Variants in TMEM82 observed in about 807,000 individuals in gnomAD.
The protein encoded by TMEM82 is transmembrane protein 82.
In TMEM82, 30 loss-of-function variants were observed where a neutral mutation model predicts 29.2. That is an observed-to-expected ratio of 1.03 (90% confidence interval 0.77 to 1.39). TMEM82 has a LOEUF of 1.39. TMEM82 is among the 40% of genes most tolerant of loss of function. The pLI, the probability that TMEM82 is intolerant of heterozygous loss-of-function variation, is 0.00. For missense variants in TMEM82, 442 were observed against 447.7 expected, an observed-to-expected ratio of 0.99 and a Z score of 0.12; for synonymous variants, 221 against 225.4, an observed-to-expected ratio of 0.98 and a Z score of 0.18.
At chr1:15,746,586 G>A (rs2068337458) in intron 4 of TMEM82, among the ~76,000 whole-genome samples, 2 of 151,890 alleles carry the variant, frequency 1.3e-5, no homozygotes, top group Admixed American at 1.3e-4. Flanking sequence ...GCGGGTGTGC[G>A]GAAAAGAAAG....
chr1:15,747,497 G>GC (rs1557673750), intron 5 of TMEM82, 49 bp from the exon 6 acceptor site: 1 of 1,543,150 alleles, frequency 6.5e-7, no homozygotes, highest in South Asian at 1.1e-5. Context: ...CCCAAGGCCC[G>GC]CAGGGGGATG....
intron 4 of TMEM82, among the ~76,000 whole-genome samples, chr1:15,746,119 A>G (rs1041527460): frequency 3.6e-5 from 5 of 139,356 alleles, no homozygotes; most frequent in African/African-American, 1.3e-4. Flanking sequence ...GCAACCTCCA[A>G]CTCCTGGGTT....
intron 2 of TMEM82, 28 bp from the exon 3 acceptor site, chr1:15,742,992 C>T (rs774757374): frequency 5.0e-6 from 8 of 1,600,118 alleles, no homozygotes; most frequent in Non-Finnish European, 8.5e-7. Context: ...GTTCTGCACC[C>T]CTGCCCACAC....
Position 15,745,179 on chromosome 1 carries a change from G to A in TMEM82, c.757+599G>A, listed in dbSNP as rs2068325145. Among the ~76,000 whole-genome samples, 4 of 152,166 alleles carry A rather than the reference G, an allele frequency of 2.6e-5. No homozygotes were observed. In the South Asian group the frequency reaches 8.3e-4, roughly 32 times the overall value. On this transcript the variant is annotated intron_variant, in intron 4 of 5. Transcript: ENST00000375782. ...CTCCCACCTCAGCCTCCCAAGTTGTGGGGATTACAGGCACACACCACTATG... is the reference window on the plus strand; with the variant it reads ...CTCCCACCTCAGCCTCCCAAGTTGTAGGGATTACAGGCACACACCACTATG...
chr1:15,745,049 T>A (rs889503735), intron 4 of TMEM82, among the ~76,000 whole-genome samples: 20 of 152,176 alleles, frequency 1.3e-4, no homozygotes, highest in African/African-American at 4.8e-4. Flanking sequence ...TGTTTTGTTT[T>A]GCTTTTCTGT....
At chr1:15,742,714 C>A in intron 1 of TMEM82, 67 bp downstream of exon 1, 1 of 1,508,854 alleles carries the variant, frequency 6.6e-7, no homozygotes, top group Non-Finnish European at 9.1e-7. Context: ...GCAGGGTGGA[C>A]CCCACCCACC....
Position 15,744,931 on chromosome 1 carries a change from C to G in TMEM82, c.757+351C>G, listed in dbSNP as rs1235183820. 6.6e-6 allele frequency among the ~76,000 whole-genome samples: 1 copy of G among 152,184 alleles called. No homozygotes were observed. Among genetic ancestry groups the G allele is most frequent in the African/African-American group, 2.4e-5 (1 of 41,434 alleles). Reference sequence around the variant, plus strand: ...CAGTGTGGCTGTCACCCCAAGGGCACAGGGAAGGGGTGAGGCTGGCCAGGT... The same window carrying G: ...CAGTGTGGCTGTCACCCCAAGGGCAGAGGGAAGGGGTGAGGCTGGCCAGGT... On this transcript the variant is annotated intron_variant, in intron 4 of 5. Transcript: ENST00000375782. This position sits in a 1 kb window ranked among gnomAD's most constrained non-coding sequence, Gnocchi z 5.2.
chr1:15,744,089 C>G lies in TMEM82; in HGVS notation c.337-71C>G. On this transcript the variant is annotated intron_variant, in intron 3 of 5. Transcript: ENST00000375782. The surrounding 1 kb of genome is among the most constrained non-coding windows in gnomAD (Gnocchi z 5.2). ...TCCCCAAGGTCCCTTCAGGCTCCGG[C>G]TTCCTGTGGTGGGCAGCACCTGTGG... 7.0e-7 allele frequency: 1 copy of G among 1,421,578 alleles called. No individual in the cohort carries two copies. Among genetic ancestry groups the G allele is most frequent in the Non-Finnish European group, 9.2e-7 (1 of 1,086,376 alleles). 88.1% of individuals were successfully genotyped at this position (1,421,578 alleles called of 1,614,324 possible).
In TMEM82 at chr1:15,747,073, T is replaced by C; in HGVS notation, c.945+19T>C. ...GATACAGGTGGGCACCCCCATCCCATGTGTCCCCCAGACAATGAACCCTGC... is the reference window on the plus strand; with the variant it reads ...GATACAGGTGGGCACCCCCATCCCACGTGTCCCCCAGACAATGAACCCTGC... On this transcript the variant is annotated intron_variant, in intron 5 of 5. Transcript: ENST00000375782. 4 of 1,597,340 alleles carry C rather than the reference T, an allele frequency of 2.5e-6. No homozygotes were observed. Among genetic ancestry groups the C allele is most frequent in the Admixed American group, 1.7e-5 (1 of 58,276 alleles).
rs1216564693 is a variant in TMEM82 at position 15,742,886 on chromosome 1, ACTT to A, written c.145_147del (p.Phe49del). ...GTCCTGAACAGCCTCCTGAAAGTTT[ACTT>A]CTTCGTGGGCTGTGCCAAGTGAGTG... On this transcript the variant is annotated inframe_deletion, in exon 2 of 6. Coordinates refer to ENST00000375782, the MANE Select transcript of TMEM82 (RefSeq NM_001013641.3). The A allele has an allele frequency of 3.1e-6, 5 of 1,612,242 alleles. 1 individual carries two copies. Among genetic ancestry groups the A allele is most frequent in the Admixed American group, 1.7e-5 (1 of 59,954 alleles).
Position 15,744,229 on chromosome 1 carries a change from A to G in TMEM82, c.406A>G (p.Thr136Ala), listed in dbSNP as rs746828460. ...CCAGTACTCGCTGGGCTGCGGGCTGACCTGTGGCCTGAGCTTCCTGCAGGA... is the reference window on the plus strand; with the variant it reads ...CCAGTACTCGCTGGGCTGCGGGCTGGCCTGTGGCCTGAGCTTCCTGCAGGA... ...LCQYSLGCGLTCGLSFLQEGA... is the reference protein window; with the variant it reads ...LCQYSLGCGLACGLSFLQEGA... The change falls in exon 4 of 6, where the codon ACC becomes GCC. Residue 136 changes from threonine to alanine, a missense_variant. Physicochemically the swap from Thr to Ala is moderately conservative, Grantham distance 58. Coordinates refer to ENST00000375782, the MANE Select transcript of TMEM82 (RefSeq NM_001013641.3). This position sits in a 1 kb window ranked among gnomAD's most constrained non-coding sequence, Gnocchi z 5.2. 1 of 1,589,568 alleles carries G rather than the reference A, an allele frequency of 6.3e-7. No homozygotes were observed. Among genetic ancestry groups the G allele is most frequent in the Non-Finnish European group, 8.5e-7 (1 of 1,172,900 alleles).
chr1:15,746,405 T>TCA (rs2068335597), intron 4 of TMEM82, among the ~76,000 whole-genome samples: 1 of 136,794 alleles, frequency 7.3e-6, no homozygotes. Context: ...AGAGTAAGAC[T>TCA]GTCTCAAAAA....
intron 3 of TMEM82, 66 bp downstream of exon 3, chr1:15,743,260 A>T: frequency 6.6e-7 from 1 of 1,510,392 alleles, no homozygotes. Flanking sequence ...CACCCCCGGA[A>T]TGTGGGCAGC....
rs1468814755 is a variant in TMEM82, at chr1:15,747,811, A to T, written c.*179A>T. 1 of 543,470 alleles carries T rather than the reference A, an allele frequency of 1.8e-6. No homozygotes were observed. Among genetic ancestry groups the T allele is most frequent in the Non-Finnish European group, 3.1e-6 (1 of 318,694 alleles). 33.7% of individuals were successfully genotyped at this position (543,470 alleles called of 1,614,324 possible). ...GATTTGGGGATGGGAGCCTCTGGAG[A>T]GGGGACACCTGGGGACCCCTGGTTG... On this transcript the variant is annotated 3_prime_UTR_variant, in exon 6 of 6. Coordinates refer to ENST00000375782, the MANE Select transcript of TMEM82 (RefSeq NM_001013641.3).
At chr1:15,743,302 C>A (rs2068306929) in intron 3 of TMEM82, 108 bp downstream of exon 3, 1 of 1,301,124 alleles carries the variant, frequency 7.7e-7, no homozygotes, top group South Asian at 1.5e-5. Context: ...AGCCTCTTCG[C>A]CGTATTTTCC....
chr1:15,742,826 C>T lies in TMEM82; in HGVS notation c.89-9C>T, dbSNP rs1194686737. 1 of 1,610,748 alleles carries T rather than the reference C, an allele frequency of 6.2e-7. No homozygotes were observed. The highest frequency in any genetic ancestry group is 1.3e-5 in the African/African-American group (1 of 75,000). On this transcript the variant is annotated splice_polypyrimidine_tract_variant and intron_variant, in intron 1 of 5. Coordinates refer to ENST00000375782, the MANE Select transcript of TMEM82 (RefSeq NM_001013641.3). ...ACGCTGCCTCGCTGCCTCCCTCCCGCCCCCTCAGGCCTGATCGGGGCCCTT... is the reference window on the plus strand; with the variant it reads ...ACGCTGCCTCGCTGCCTCCCTCCCGTCCCCTCAGGCCTGATCGGGGCCCTT...
chr1:15,743,218 G>C, intron 3 of TMEM82, 24 bp downstream of exon 3: 1 of 1,595,658 alleles, frequency 6.3e-7, no homozygotes, highest in Non-Finnish European at 8.5e-7. Flanking sequence ...GAAGGCAGTG[G>C]GTGGATCACT....
Position 15,744,177 on chromosome 1 carries a change from C to A in TMEM82, c.354C>A (p.Ala118=), listed in dbSNP as rs774909001. ...CCCCGCAGGGCTCCCAGGGTGCCGC[C>A]GAGAGGCTGCAGCTCTACCTGCTGT... is the stretch of plus-strand genomic sequence containing the variant. The part of the protein sequence containing the change: ...LSLGKGSQGA[A]ERLQLYLLCQ... Residue 118 remains alanine (A), a synonymous_variant, in exon 4 of 6, where the codon GCC becomes GCA. Coordinates refer to ENST00000375782, the MANE Select transcript of TMEM82 (RefSeq NM_001013641.3). This position sits in a 1 kb window ranked among gnomAD's most constrained non-coding sequence, Gnocchi z 5.2. The A allele has an allele frequency of 3.2e-6, 5 of 1,568,554 alleles. No individual in the cohort carries two copies. Among genetic ancestry groups the A allele is most frequent in the Non-Finnish European group, 3.4e-6 (4 of 1,160,810 alleles).
At chr1:15,742,931 A>G in intron 2 of TMEM82, 24 bp downstream of exon 2, 1 of 1,611,618 alleles carries the variant, frequency 6.2e-7, no homozygotes, top group Non-Finnish European at 8.5e-7. Context: ...TCATCCCCCC[A>G]GGGAATGTGG....
Sources: gnomAD v4.1 joint callset for allele counts (sites outside exome capture counted in the v4.1 genomes callset) on GRCh38, gnomAD v4.1.1 for gene constraint, Gnocchi (gnomAD v3.1) non-coding constraint, MANE v1.5 for transcripts, NCBI Gene and HGNC (gene_info 2026-07-23, HGNC 2026-07-21) for gene names.